GPD2: variants seen among roughly 807,000 people sequenced by gnomAD.
GPD2 encodes glycerol-3-phosphate dehydrogenase, mitochondrial.
Under a neutral mutation model 82.4 loss-of-function variants are expected in GPD2, and 54 were observed. That is an observed-to-expected ratio of 0.66 (90% CI 0.53 to 0.82). GPD2 has a LOEUF of 0.82. Ranked by LOEUF, GPD2 falls within the 40% of genes least tolerant of loss-of-function variation. The pLI is 0.00. For missense variants in GPD2, 748 were observed against 896.2 expected (o/e 0.83, Z 2.11); for synonymous variants, 288 against 306.1 (o/e 0.94, Z 0.62).
intron 11 of GPD2, 74 bp downstream of exon 11, chr2:156,569,612 A>G (rs568384175): frequency 1.1e-5 from 9 of 846,470 alleles, no homozygotes; most frequent in Non-Finnish European, 1.2e-5. Context: ...ACTGGCAGCA[A>G]TCAGGTCTCC....
chr2:156,493,115 C>A (rs1684243412), intron 2 of GPD2, among the ~76,000 whole-genome samples: 1 of 151,866 alleles, frequency 6.6e-6, no homozygotes, highest in African/African-American at 2.4e-5. Flanking sequence ...TTGGATAGAC[C>A]TAAGAGGAAA....
chr2:156,564,267 A>G (rs1260865486), intron 9 of GPD2, among the ~76,000 whole-genome samples: 1 of 152,128 alleles, frequency 6.6e-6, no homozygotes, highest in Admixed American at 6.6e-5. Context: ...TTTCATCCTA[A>G]GGTTGTTTCC....
chr2:156,491,895 C>G (rs1684188555), intron 2 of GPD2, among the ~76,000 whole-genome samples: 1 of 151,730 alleles, frequency 6.6e-6, no homozygotes, highest in South Asian at 2.1e-4. Flanking sequence ...TGGCAGGCAC[C>G]TGTAATCCCA....
intron 3 of GPD2, among the ~76,000 whole-genome samples, chr2:156,502,861 CA>C (rs979384945): frequency 5.1e-5 from 4 of 77,972 alleles, no homozygotes; most frequent in African/African-American, 1.7e-4. Context: ...AATCCATTTA[CA>C]TTTTTTTTAT....
At position 156,494,638 on chromosome 2, in the gene GPD2, G is replaced by A. The variant is rs565005194; in HGVS notation, c.103-1406G>A. Among the ~76,000 whole-genome samples the A allele has an allele frequency of 2.6e-5, 4 of 152,242 alleles. 1 individual carries two copies. In the South Asian group the frequency reaches 8.3e-4, roughly 32 times the overall value. ...GTGATTAGGATAATCTCTTGGTAAC[G>A]CCTGAGATTACCTCCTCTTGCACAT... is the stretch of plus-strand genomic sequence containing the variant. On this transcript the variant is annotated intron_variant, in intron 2 of 16. Coordinates refer to ENST00000438166, the MANE Select transcript of GPD2 (RefSeq NM_000408.5).
the GPD2 span, among the ~76,000 whole-genome samples, chr2:156,408,413 G>A: frequency 3.3e-5 from 5 of 152,106 alleles, no homozygotes; most frequent in South Asian, 2.1e-4. Context: ...TGAAAGCATC[G>A]CCTGGGAACT....
At chr2:156,533,983 G>A (rs1685964127) in intron 6 of GPD2, among the ~76,000 whole-genome samples, 1 of 152,238 alleles carries the variant, frequency 6.6e-6, no homozygotes, top group South Asian at 2.1e-4. Flanking sequence ...GAAAGCTAAA[G>A]CGTTAACCAG....
chr2:156,537,533 A>G (rs1429387299), intron 6 of GPD2, among the ~76,000 whole-genome samples: 1 of 152,198 alleles, frequency 6.6e-6, no homozygotes, highest in Non-Finnish European at 1.5e-5. Flanking sequence ...ATACGTTTTC[A>G]ATTTGGTGTG....
intron 14 of GPD2, 39 bp from the exon 15 acceptor site, chr2:156,579,047 T>G: frequency 1.9e-6 from 3 of 1,557,314 alleles, no homozygotes; most frequent in Non-Finnish European, 2.7e-6. Flanking sequence ...TTTTGGCCTA[T>G]GTAAGTATAT....
rs1685074650 is a variant in GPD2, at chr2:156,513,409, A to G, written c.574A>G (p.Ser192Gly). ...TGCAGGAAGCAATTGCCTAAAAAGC[A>G]GTTATGTCCTCAGCAAATCAAGAGC... ...LVAGSNCLKSSYVLSKSRALE... is the reference protein window; with the variant it reads ...LVAGSNCLKSGYVLSKSRALE... The change falls in exon 6 of 17, where the codon AGT becomes GGT. Residue 192 changes from serine to glycine, a missense_variant. Ser to Gly is a moderately conservative substitution (Grantham distance 56). Transcript: ENST00000438166. 18 of 1,612,438 alleles carry G rather than the reference A, an allele frequency of 1.1e-5. No homozygotes were observed. Among genetic ancestry groups the G allele is most frequent in the Non-Finnish European group, 1.4e-5 (17 of 1,178,722 alleles).
chr2:156,547,495 A>C (rs1489742084), intron 6 of GPD2, among the ~76,000 whole-genome samples: 1 of 152,224 alleles, frequency 6.6e-6, no homozygotes, highest in Non-Finnish European at 1.5e-5. Flanking sequence ...GAACCATGGC[A>C]GACGAGGATC....
intron 1 of GPD2, among the ~76,000 whole-genome samples, chr2:156,462,482 A>C (rs1474158528): frequency 1.2e-5 from 1 of 80,142 alleles, no homozygotes; most frequent in Non-Finnish European, 2.5e-5. Context: ...TTGTATTTTT[A>C]GTAGAGACGG....
At chr2:156,401,228 T>C in the GPD2 span, among the ~76,000 whole-genome samples, 23 of 152,322 alleles carry the variant, frequency 1.5e-4, no homozygotes, top group African/African-American at 3.6e-4. Context: ...TTATAGCAAA[T>C]GTGCTTTTCT....
intron 1 of GPD2, among the ~76,000 whole-genome samples, chr2:156,464,848 T>C (rs1298384319): frequency 6.6e-6 from 1 of 152,066 alleles, no homozygotes; most frequent in Non-Finnish European, 1.5e-5. Flanking sequence ...AATTGGTACA[T>C]TTTCTTTTCT....
chr2:156,521,835 A>G (rs184522989), intron 6 of GPD2, among the ~76,000 whole-genome samples: 7 of 152,268 alleles, frequency 4.6e-5, no homozygotes, highest in Non-Finnish European at 5.9e-5. Flanking sequence ...TTCATATGCA[A>G]TTTTACACTT....
At chr2:156,413,827 C>T in the GPD2 span, among the ~76,000 whole-genome samples, 1 of 152,142 alleles carries the variant, frequency 6.6e-6, no homozygotes, top group African/African-American at 2.4e-5. Context: ...TCGCTTGAAC[C>T]CAGGAAGCGG....
chr2:156,428,798 A>T, the GPD2 span, among the ~76,000 whole-genome samples: 34 of 152,354 alleles, frequency 2.2e-4, no homozygotes, highest in South Asian at 6.8e-3. Flanking sequence ...AACAGAACAA[A>T]GATTCTCTGC....
intron 13 of GPD2, among the ~76,000 whole-genome samples, chr2:156,573,301 A>G (rs1687703322): frequency 6.6e-6 from 1 of 152,186 alleles, no homozygotes; most frequent in African/African-American, 2.4e-5. Context: ...GAAACCAGGT[A>G]TTCTGATCCT....
chr2:156,502,787 ATTATAT>A (rs1244582178), intron 3 of GPD2, among the ~76,000 whole-genome samples: 2 of 152,094 alleles, frequency 1.3e-5, no homozygotes, highest in African/African-American at 4.8e-5. Flanking sequence ...ATATAGCTAG[ATTATAT>A]TTATTTGTTT....
Sources: gnomAD v4.1 joint callset for allele counts (sites outside exome capture counted in the v4.1 genomes callset) on GRCh38, gnomAD v4.1.1 for gene constraint, MANE v1.5 for transcripts, NCBI Gene and HGNC (gene_info 2026-07-23, HGNC 2026-07-21) for gene names.